Variants in GALNT13 observed in about 807,000 individuals in gnomAD.
The protein encoded by GALNT13 is UDP-GalNAc:polypeptide N-acetylgalactosaminyltransferase 13.
GALNT13 carries 28 observed loss-of-function variants against 64.2 expected under a neutral mutation model. The observed-to-expected ratio is 0.44, with a 90% confidence interval of 0.32 to 0.60. GALNT13 has a LOEUF of 0.60. Ranked by LOEUF, GALNT13 falls within the 20% of genes least tolerant of loss-of-function variation. GALNT13 has a pLI of 0.05. For missense variants in GALNT13, 577 were observed against 669.8 expected, an observed-to-expected ratio of 0.86 and a Z score of 1.53; for synonymous variants, 214 against 224.6, an observed-to-expected ratio of 0.95 and a Z score of 0.42.
At chr2:154,334,219 T>A (rs910331139) in intron 9 of GALNT13, among the ~76,000 whole-genome samples, 1 of 152,076 alleles carries the variant, frequency 6.6e-6, no homozygotes, top group Non-Finnish European at 1.5e-5. Context: ...GTTAGAGATA[T>A]GATTCCTTAG....
In GALNT13 at chr2:154,401,277, CA is replaced by C. The variant is rs1699291542; in HGVS notation, c.1296+5148del. On this transcript the variant is annotated intron_variant, in intron 10 of 12. Coordinates refer to ENST00000392825, the MANE Select transcript of GALNT13 (RefSeq NM_052917.4). ...GGGTAAAATCAGTTACTGCCAAATGCAGAAGCTAAAACGCTTAAAAGTTTAC... is the reference window on the plus strand; with the variant it reads ...GGGTAAAATCAGTTACTGCCAAATGCGAAGCTAAAACGCTTAAAAGTTTAC... 1.3e-5 allele frequency among the ~76,000 whole-genome samples: 2 copies of C among 152,076 alleles called. 1 individual carries two copies. Among genetic ancestry groups the C allele is most frequent in the South Asian group, 4.2e-4 (2 of 4,818 alleles).
chr2:153,605,543 G>T, the GALNT13 span, among the ~76,000 whole-genome samples: 1 of 151,874 alleles, frequency 6.6e-6, no homozygotes, highest in Non-Finnish European at 1.5e-5. Context: ...TTTCTTTTTC[G>T]TCCAGATTTA....
At chr2:153,587,649 C>T in the GALNT13 span, among the ~76,000 whole-genome samples, 6 of 152,156 alleles carry the variant, frequency 3.9e-5, no homozygotes, top group Non-Finnish European at 8.8e-5. Context: ...CAGGTCCCAC[C>T]AACAACATGT....
chr2:153,565,206 C>CAAAGGA, the GALNT13 span, among the ~76,000 whole-genome samples: 1 of 151,902 alleles, frequency 6.6e-6, no homozygotes, highest in Non-Finnish European at 1.5e-5. Flanking sequence ...CCATAGAAAA[C>CAAAGGA]AAATACAACA....
chr2:153,439,781 C>A, the GALNT13 span, among the ~76,000 whole-genome samples: 28 of 152,224 alleles, frequency 1.8e-4, no homozygotes, highest in Admixed American at 4.6e-4. Flanking sequence ...TGAGGCGATG[C>A]CTTTCCCTGC....
At chr2:153,725,070 T>A in the GALNT13 span, among the ~76,000 whole-genome samples, 1 of 149,666 alleles carries the variant, frequency 6.7e-6, no homozygotes, top group East Asian at 2.0e-4. Flanking sequence ...TGTCCAACAA[T>A]GATAGACTGG....
At chr2:153,290,700 C>T in the GALNT13 span, among the ~76,000 whole-genome samples, 1,273 of 152,236 alleles carry the variant, frequency 8.4e-3, 16 homozygotes, top group African/African-American at 0.029. Context: ...TTTAAAAATT[C>T]CTACATATTA....
the GALNT13 span, among the ~76,000 whole-genome samples, chr2:153,561,384 A>G: frequency 1.8e-4 from 27 of 152,188 alleles, no homozygotes; most frequent in Admixed American, 1.8e-3. Context: ...TATCTTGGGA[A>G]TGGGACCTGA....
At chr2:153,258,922 A>G in the GALNT13 span, among the ~76,000 whole-genome samples, 9 of 152,220 alleles carry the variant, frequency 5.9e-5, no homozygotes, top group African/African-American at 2.2e-4. Flanking sequence ...TGTTTATTCT[A>G]TAGCCATTAG....
At chr2:153,269,020 A>G in the GALNT13 span, among the ~76,000 whole-genome samples, 1 of 152,204 alleles carries the variant, frequency 6.6e-6, no homozygotes, top group Non-Finnish European at 1.5e-5. Context: ...CTGACATGCC[A>G]TGAAGACATT....
the GALNT13 span, among the ~76,000 whole-genome samples, chr2:153,824,477 A>G: frequency 2.0e-5 from 3 of 152,188 alleles, no homozygotes; most frequent in Middle Eastern, 3.4e-3. Context: ...AGGAATCCAC[A>G]TTTGTTCAGG....
At chr2:153,893,219 TC>T (rs1287236410) in intron 1 of GALNT13, among the ~76,000 whole-genome samples, 1 of 152,092 alleles carries the variant, frequency 6.6e-6, no homozygotes, top group Non-Finnish European at 1.5e-5. Context: ...ACCACATTCG[TC>T]AAAAAATCAT....
At chr2:153,856,851 C>A in the GALNT13 span, among the ~76,000 whole-genome samples, 2 of 152,030 alleles carry the variant, frequency 1.3e-5, no homozygotes, top group East Asian at 1.9e-4. Context: ...ATAACCAATA[C>A]TAGAAACAAT....
At chr2:153,624,013 C>T in the GALNT13 span, among the ~76,000 whole-genome samples, 6 of 151,990 alleles carry the variant, frequency 3.9e-5, no homozygotes, top group African/African-American at 1.4e-4. Flanking sequence ...TTGTTCTAAC[C>T]ATGAACATGC....
the GALNT13 span, among the ~76,000 whole-genome samples, chr2:153,583,091 T>C: frequency 6.6e-6 from 1 of 152,126 alleles, no homozygotes. Flanking sequence ...CTGTGACACA[T>C]GCTATAAAGG....
At chr2:153,856,248 T>TA in the GALNT13 span, among the ~76,000 whole-genome samples, 1 of 152,092 alleles carries the variant, frequency 6.6e-6, no homozygotes, top group Non-Finnish European at 1.5e-5. Context: ...AATAAAGCTG[T>TA]GATAGGTAGC....
In GALNT13 at chr2:154,335,559, AAATAC is replaced by A. The variant is rs544485882; in HGVS notation, c.1156+33975_1156+33979del. On this transcript the variant is annotated intron_variant, in intron 9 of 12. Transcript: ENST00000392825. ...ACACTGCCAAAACACCAAGGATATT[AAATAC>A]AATAGACTCCTGGGACCCTTCTCTG... Among the ~76,000 whole-genome samples, 180 of 152,160 alleles carry A rather than the reference AAATAC, an allele frequency of 1.2e-3. 1 individual carries two copies. Among genetic ancestry groups the A allele is most frequent in the African/African-American group, 4.1e-3 (170 of 41,550 alleles).
intron 2 of GALNT13, among the ~76,000 whole-genome samples, chr2:153,934,735 G>A (rs1012980035): frequency 6.6e-6 from 1 of 152,062 alleles, no homozygotes; most frequent in African/African-American, 2.4e-5. Context: ...TTACATGGTG[G>A]GTTGCATTAC....
At chr2:153,648,817 C>T in the GALNT13 span, among the ~76,000 whole-genome samples, 1 of 152,028 alleles carries the variant, frequency 6.6e-6, no homozygotes, top group Non-Finnish European at 1.5e-5. Context: ...GGATGAAGCC[C>T]ACTTGATCAT....
Sources: gnomAD v4.1 joint callset for allele counts (sites outside exome capture counted in the v4.1 genomes callset) on GRCh38, gnomAD v4.1.1 for gene constraint, MANE v1.5 for transcripts, NCBI Gene and HGNC (gene_info 2026-07-23, HGNC 2026-07-21) for gene names.